IFT70B: variants seen among roughly 807,000 people sequenced by gnomAD.
IFT70B encodes intraflagellar transport protein 70B.
chr2:177,551,517 T>C, the IFT70B span: 5 of 1,614,284 alleles, frequency 3.1e-6, no homozygotes, highest in Non-Finnish European at 4.2e-6. Context: ...GGTTTCATCA[T>C]ATTCATTCAC....
chr2:177,551,150 C>A, the IFT70B span: 1 of 1,614,068 alleles, frequency 6.2e-7, no homozygotes. Context: ...GGTACATTTT[C>A]TTATCTGGGT....
chr2:177,551,670 A>C, the IFT70B span: 1 of 1,614,238 alleles, frequency 6.2e-7, no homozygotes, highest in Non-Finnish European at 8.5e-7. Flanking sequence ...GCAAGTGATC[A>C]CAGCGTCCAA....
the IFT70B span, chr2:177,552,536 C>T: frequency 1.3e-6 from 2 of 1,599,718 alleles, no homozygotes; most frequent in South Asian, 1.1e-5. Context: ...GCTCCAGTTC[C>T]GGGTGCAGCT....
the IFT70B span, chr2:177,552,778 T>G: frequency 6.6e-7 from 1 of 1,517,118 alleles, no homozygotes; most frequent in East Asian, 2.3e-5. Flanking sequence ...ACCACGGCTG[T>G]TATGGGTGCG....
chr2:177,551,870 C>G, the IFT70B span: 2 of 1,614,260 alleles, frequency 1.2e-6, no homozygotes, highest in Non-Finnish European at 1.7e-6. Flanking sequence ...GCCTGGCATC[C>G]ATGTTCATTA....
the IFT70B span, chr2:177,552,238 T>C: frequency 6.2e-7 from 1 of 1,614,208 alleles, no homozygotes; most frequent in Non-Finnish European, 8.5e-7. Flanking sequence ...GCAAAAAACT[T>C]GGAGCATGCA....
the IFT70B span, chr2:177,552,464 C>T: frequency 5.0e-6 from 8 of 1,612,096 alleles, no homozygotes; most frequent in Non-Finnish European, 6.8e-6. Context: ...GGAAGGCGAC[C>T]CGGGTGGCCT....
chr2:177,550,763 T>C, the IFT70B span: 1 of 1,583,586 alleles, frequency 6.3e-7, no homozygotes, highest in Non-Finnish European at 8.6e-7. Context: ...CTATCAGCTA[T>C]TACTATATAT....
At chr2:177,550,727 A>C in the IFT70B span, 4 of 1,512,882 alleles carry the variant, frequency 2.6e-6, no homozygotes, top group East Asian at 2.3e-5. Context: ...GCAAATTTAC[A>C]TAACAAAGCC....
the IFT70B span, chr2:177,551,154 T>C: frequency 6.2e-7 from 1 of 1,614,014 alleles, no homozygotes; most frequent in African/African-American, 1.3e-5. Context: ...CATTTTCTTA[T>C]CTGGGTCATC....
the IFT70B span, chr2:177,552,229 C>CA: frequency 6.2e-7 from 1 of 1,614,190 alleles, no homozygotes; most frequent in Non-Finnish European, 8.5e-7. Flanking sequence ...TGCAGGGCGG[C>CA]AAAAAACTTG....
At chr2:177,550,345 A>C in the IFT70B span, 1 of 154,102 alleles carries the variant, frequency 6.5e-6, no homozygotes, top group South Asian at 2.0e-4. Context: ...TATGCATTAC[A>C]AATTAATGAG....
chr2:177,550,759 G>A, the IFT70B span: 1 of 1,577,036 alleles, frequency 6.3e-7, no homozygotes. Context: ...GCCACTATCA[G>A]CTATTACTAT....
chr2:177,551,173 G>A, the IFT70B span: 2 of 1,613,926 alleles, frequency 1.2e-6, no homozygotes, highest in African/African-American at 1.3e-5. Flanking sequence ...TCATAAGAGA[G>A]CTGCTCTTCC....
chr2:177,549,609 A>C, the IFT70B span: 1 of 152,242 alleles, frequency 6.6e-6, no homozygotes, highest in Admixed American at 6.5e-5. Flanking sequence ...ATTGACAGTT[A>C]CTTTTTGTGG....
chr2:177,552,783 G>A, the IFT70B span: 1 of 1,507,772 alleles, frequency 6.6e-7, no homozygotes, highest in South Asian at 1.3e-5. Context: ...GGCTGTTATG[G>A]GTGCGGTTAC....
the IFT70B span, chr2:177,551,998 G>A: frequency 2.7e-5 from 44 of 1,614,090 alleles, no homozygotes; most frequent in African/African-American, 8.0e-5. Context: ...GCTGCCTTAA[G>A]GTTGAAGGCT....
chr2:177,552,784 G>A, the IFT70B span: 1 of 1,505,552 alleles, frequency 6.6e-7, no homozygotes, highest in Non-Finnish European at 8.9e-7. Flanking sequence ...GCTGTTATGG[G>A]TGCGGTTACT....
chr2:177,551,668 T>C, the IFT70B span: 2 of 1,614,214 alleles, frequency 1.2e-6, no homozygotes, highest in Non-Finnish European at 1.7e-6. Flanking sequence ...TGGCAAGTGA[T>C]CACAGCGTCC....
Sources: allele counts gnomAD v4.1 joint callset, GRCh38; gene constraint gnomAD v4.1.1; transcripts MANE v1.5; gene names NCBI Gene and HGNC (gene_info 2026-07-23, HGNC 2026-07-21).